The following ABCD3 variants were observed in gnomAD, a reference collection of about 807,000 sequenced individuals.
The protein encoded by ABCD3 is ATP binding cassette subfamily D member 3, also known as ATP-binding cassette sub-family D member 3.
Under a neutral mutation model 105.5 loss-of-function variants are expected in ABCD3, and 41 were observed. That is an observed-to-expected ratio of 0.39 (90% CI 0.30 to 0.50). ABCD3 has a LOEUF of 0.50. Among genes scored for constraint, ABCD3 ranks in the 20% least tolerant of loss-of-function variants. The pLI is 0.84. For synonymous variants in ABCD3, 258 were observed against 269.0 expected (o/e 0.96, Z 0.40); for missense variants, 622 against 806.3 (o/e 0.77, Z 2.77).
intron 20 of ABCD3, among the ~76,000 whole-genome samples, chr1:94,502,925 T>C (rs1312804853): frequency 6.6e-6 from 1 of 152,210 alleles, no homozygotes; most frequent in Non-Finnish European, 1.5e-5. Flanking sequence ...AGTGTGCATA[T>C]GCTTATTCAC....
At chr1:94,432,373 G>C (rs1189970035) in intron 1 of ABCD3, among the ~76,000 whole-genome samples, 1 of 152,166 alleles carries the variant, frequency 6.6e-6, no homozygotes. Context: ...GGGGTAAAAG[G>C]CATTCCAGGT....
At chr1:94,472,297 A>G (rs1354429237) in intron 4 of ABCD3, 2 of 824,820 alleles carry the variant, frequency 2.4e-6, no homozygotes, top group Non-Finnish European at 2.9e-6. Context: ...CTTGGGCAGC[A>G]CTAAAGCACT....
At chr1:94,428,614 G>A (rs536822826) in intron 1 of ABCD3, among the ~76,000 whole-genome samples, 1 of 152,276 alleles carries the variant, frequency 6.6e-6, no homozygotes, top group South Asian at 2.1e-4. Flanking sequence ...CTGTTCTCGT[G>A]ATAGTGAACG....
At chr1:94,439,064 C>T (rs1660037618) in intron 1 of ABCD3, among the ~76,000 whole-genome samples, 1 of 152,122 alleles carries the variant, frequency 6.6e-6, no homozygotes, top group African/African-American at 2.4e-5. Context: ...TTCTTCTTGT[C>T]CAGAGCTTGT....
intron 20 of ABCD3, among the ~76,000 whole-genome samples, chr1:94,503,906 C>CTTTTTT (rs71097203): frequency 1.7e-4 from 12 of 69,806 alleles, no homozygotes; most frequent in Non-Finnish European, 2.4e-4. Context: ...ACAAGTGATT[C>CTTTTTT]TTTTTTTTTT....
chr1:94,418,547 C>T lies in ABCD3; in HGVS notation c.69C>T (p.Leu23=), dbSNP rs946956298. The change falls in exon 1 of 23, where the codon CTC becomes CTT. Residue 23 remains leucine, a synonymous_variant. Transcript: ENST00000370214. ...SSLAGAAFLL[L]CLLHKRRRAL... is the part of the protein sequence containing the mutation. ...TGGCTGGTGCCGCGTTCCTGCTGCT[C>T]TGCCTGCTCCACAAGCGGCGCCGCG... 7 of 1,604,890 alleles carry T rather than the reference C, an allele frequency of 4.4e-6. No individual in the cohort carries two copies. Among genetic ancestry groups the T allele is most frequent in the Non-Finnish European group, 5.9e-6 (7 of 1,179,206 alleles).
In ABCD3 at chr1:94,507,325, A is replaced by C. The variant is rs1001939389; in HGVS notation, c.1845+683A>C. On this transcript the variant is annotated intron_variant, in intron 21 of 22. Transcript: ENST00000370214. ...TCCCTACAAAGGACATGAACTCATC[A>C]TTTTTTATGGCTGCATAGTATTCCA... Among the ~76,000 whole-genome samples the C allele has an allele frequency of 9.2e-5, 14 of 152,162 alleles. No individual in the cohort carries two copies. In the East Asian group the frequency reaches 1.4e-3, roughly 15 times the overall value.
Position 94,489,813 on chromosome 1 carries a change from A to G in ABCD3, c.1246A>G (p.Lys416Glu), listed in dbSNP as rs752459389. The G allele has an allele frequency of 1.2e-6, 2 of 1,612,962 alleles. No homozygotes were observed. The highest frequency in any genetic ancestry group is 2.2e-5 in the East Asian group (1 of 44,770). ...YERTMVSQQE[K>E]GIEGVQVIPL... ...GCGCACAATGGTCTCACAACAGGAA[A>G]AGGGTAAATATGAGTGTCACAGTTT... The change falls in exon 14 of 23, where the codon AAG (lysine) becomes GAG (glutamate). Residue 416 changes from lysine to glutamate, a missense_variant. Physicochemically the swap from Lys to Glu is moderately conservative, Grantham distance 56. This residue lies in a region of ABCD3 where 285 missense variants were observed against 352.5 expected (regional missense o/e 0.81). Transcript: ENST00000370214.
chr1:94,386,021 CTGTTTCTTTCTTTCTTTCTTTCTTTCTT>C, the ABCD3 span, among the ~76,000 whole-genome samples: 3 of 128,348 alleles, frequency 2.3e-5, no homozygotes, highest in African/African-American at 9.1e-5. Flanking sequence ...CTTTTAGAAT[CTGTTTCTTTCTTTCTTTCTTTCTTTCTT>C]TCTTTCTTTC....
chr1:94,444,018 A>T (rs1330888400), intron 1 of ABCD3, among the ~76,000 whole-genome samples: 1 of 151,578 alleles, frequency 6.6e-6, no homozygotes, highest in African/African-American at 2.4e-5. Flanking sequence ...TTATTTCATT[A>T]TTTTTTGCTT....
chr1:94,485,859 T>C (rs1649254362), intron 10 of ABCD3, among the ~76,000 whole-genome samples: 1 of 152,192 alleles, frequency 6.6e-6, no homozygotes, highest in African/African-American at 2.4e-5. Context: ...GCTATTTACA[T>C]TGTATTAAGT....
intron 20 of ABCD3, among the ~76,000 whole-genome samples, chr1:94,505,514 G>A (rs374734971): frequency 6.6e-6 from 1 of 151,928 alleles, no homozygotes. Context: ...GTGCCTGGCT[G>A]ATATTTTTAT....
At chr1:94,408,036 T>G in the ABCD3 span, among the ~76,000 whole-genome samples, 1 of 152,246 alleles carries the variant, frequency 6.6e-6, no homozygotes. Context: ...GCCTGAAATA[T>G]TTATTACTTG....
At chr1:94,504,790 GAGC>G (rs776814258) in intron 20 of ABCD3, among the ~76,000 whole-genome samples, 6 of 152,172 alleles carry the variant, frequency 3.9e-5, no homozygotes, top group Non-Finnish European at 7.3e-5. Flanking sequence ...GACTGGAGAG[GAGC>G]AGCAGAAGTG....
At chr1:94,467,671 C>T (rs1648216415) in intron 3 of ABCD3, among the ~76,000 whole-genome samples, 1 of 152,092 alleles carries the variant, frequency 6.6e-6, no homozygotes, top group Admixed American at 6.6e-5. Context: ...CTTTGACCTG[C>T]CTAGGATTCA....
chr1:94,418,335 G>C (rs1217150974), upstream of ABCD3: 3 of 545,834 alleles, frequency 5.5e-6, no homozygotes, highest in Non-Finnish European at 8.7e-6. Flanking sequence ...GGGCGGCGCG[G>C]CGGCGCGAGC....
the ABCD3 span, among the ~76,000 whole-genome samples, chr1:94,400,713 G>C: frequency 6.6e-6 from 1 of 152,168 alleles, no homozygotes; most frequent in Non-Finnish European, 1.5e-5. Context: ...TCAAACTATA[G>C]TATGATAATA....
chr1:94,420,389 T>C (rs1317109658), intron 1 of ABCD3, among the ~76,000 whole-genome samples: 8 of 152,350 alleles, frequency 5.3e-5, no homozygotes, highest in Non-Finnish European at 8.8e-5. Flanking sequence ...TAATAGAATT[T>C]GTCTTATTAA....
At position 94,475,149 on chromosome 1, in the gene ABCD3, C is replaced by T; in HGVS notation, c.412C>T (p.Leu138=). Residue 138 remains leucine (L), a synonymous_variant, in exon 6 of 23, where the codon CTG becomes TTG. Transcript: ENST00000370214. The part of the protein sequence containing the change: ...NFIAAMPLIS[L]VNNFLKYGLN... Reference sequence around the variant, plus strand: ...ATTTGTTTGTTTGTTTTAGATCTCTCTGGTTAATAACTTCTTGAAGTATGG... The same window carrying T: ...ATTTGTTTGTTTGTTTTAGATCTCTTTGGTTAATAACTTCTTGAAGTATGG... The T allele has an allele frequency of 1.3e-6, 2 of 1,593,584 alleles. No individual in the cohort carries two copies. The highest frequency in any genetic ancestry group is 1.7e-6 in the Non-Finnish European group (2 of 1,166,364).
Sources: allele counts gnomAD v4.1 joint callset (sites outside exome capture counted in the v4.1 genomes callset), GRCh38; gene constraint gnomAD v4.1.1; regional missense constraint gnomAD v4.1.1; transcripts MANE v1.5; gene names NCBI Gene and HGNC (gene_info 2026-07-23, HGNC 2026-07-21).